Variants in DNAH9 observed in about 807,000 individuals in gnomAD.
DNAH9 encodes DNAH9 variant protein.
In DNAH9, 345 loss-of-function variants were observed where a neutral mutation model predicts 471.6. That is an observed-to-expected ratio of 0.73 (90% CI 0.67 to 0.80). The LOEUF (loss-of-function observed/expected upper bound fraction) is 0.80, where lower values mean the gene tolerates loss of function less well. DNAH9 is among the 30% of genes least tolerant of loss of function. DNAH9 has a pLI of 0.00. For synonymous variants in DNAH9, 2,093 were observed against 2,123.6 expected, an observed-to-expected ratio of 0.99 and a Z score of 0.40; for missense variants, 5,407 against 5,609.2, an observed-to-expected ratio of 0.96 and a Z score of 1.15.
At chr17:11,762,761 T>TTTTTTTTG (rs1555584584) in intron 35 of DNAH9, among the ~76,000 whole-genome samples, 16 of 102,494 alleles carry the variant, frequency 1.6e-4, no homozygotes, top group African/African-American at 5.4e-4. Context: ...TAGGTGCGTT[T>TTTTTTTTG]TTTTTTTTGT....
chr17:11,608,325 T>C lies in DNAH9; in HGVS notation c.614T>C (p.Val205Ala). The C allele has an allele frequency of 3.1e-6, 5 of 1,597,986 alleles. No homozygotes were observed. Among genetic ancestry groups the C allele is most frequent in the South Asian group, 1.1e-5 (1 of 90,712 alleles). ...MEFADSKSET[V>A]LDSIDKSVIY... The stretch of plus-strand genomic sequence containing the variant: ...TTTGCGGATTCCAAAAGTGAGACAG[T>C]GTAAGTACCGCCAGCCTGGCCATAT... The change falls in exon 2 of 69, where the codon GTC (valine) becomes GCC (alanine). Residue 205 changes from valine (V) to alanine (A), a missense_variant and splice_region_variant. This residue lies in a region of DNAH9 where 767 missense variants were observed against 692.5 expected (regional missense o/e 1.11). Transcript: ENST00000262442.
At chr17:11,620,505 C>G (rs2072834827) in intron 6 of DNAH9, among the ~76,000 whole-genome samples, 1 of 90,804 alleles carries the variant, frequency 1.1e-5, no homozygotes, top group Non-Finnish European at 2.1e-5. Flanking sequence ...GAACGAGACT[C>G]TGTCTCAAAA....
Position 11,930,064 on chromosome 17 carries a change from C to T in DNAH9, c.12076C>T (p.Leu4026=). The T allele has an allele frequency of 6.2e-7, 1 of 1,614,120 alleles. No individual in the cohort carries two copies. The highest frequency in any genetic ancestry group is 1.1e-5 in the South Asian group (1 of 91,078). The change falls in exon 63 of 69, where the codon CTG becomes TTG. Residue 4026 remains leucine (L), a synonymous_variant. Coordinates refer to ENST00000262442, the MANE Select transcript of DNAH9 (RefSeq NM_001372.4). ...GCCCCCCACGGGCATGCATGCCAAC[C>T]TGCACAAGGCCCTGGACAACTTCAC... The part of the protein sequence containing the change: ...NEPPTGMHAN[L]HKALDNFTQD...
intron 29 of DNAH9, 90 bp from the exon 30 acceptor site, chr17:11,742,085 G>A (rs1226047501): frequency 8.1e-7 from 1 of 1,228,778 alleles, no homozygotes; most frequent in East Asian, 2.3e-5. Context: ...GCCTCCATGT[G>A]TGATCTCGGC....
intron 7 of DNAH9, 128 bp downstream of exon 7, chr17:11,629,712 C>G (rs917122804): frequency 1.0e-4 from 77 of 744,374 alleles, no homozygotes; most frequent in Non-Finnish European, 1.6e-4. Context: ...AGTGGTTTTG[C>G]TAATTATCCT....
Position 11,804,607 on chromosome 17 carries a change from G to A in DNAH9, c.8421-3125G>A, listed in dbSNP as rs372133103. On this transcript the variant is annotated intron_variant, in intron 43 of 68. Transcript: ENST00000262442. ...AAATTGGCAAAGATTGGCCAGGTGC[G>A]GTGGCTCACGCCTGTAATCCCAGGG... Among the ~76,000 whole-genome samples the A allele has an allele frequency of 4.7e-4, 72 of 152,276 alleles. 2 individuals carry two copies. The South Asian group carries it at 0.014, about 29-fold the overall frequency.
chr17:11,730,857 AGTG>A (rs1157972460), intron 28 of DNAH9, among the ~76,000 whole-genome samples: 3 of 150,204 alleles, frequency 2.0e-5, no homozygotes, highest in Non-Finnish European at 3.0e-5. Context: ...TGGCGGTGGT[AGTG>A]GTGGTGATGA....
At position 11,871,669 on chromosome 17, in the gene DNAH9, G is replaced by A. The variant is rs201523809; in HGVS notation, c.10125G>A (p.Thr3375=). 79 of 1,614,192 alleles carry A rather than the reference G, an allele frequency of 4.9e-5. No individual in the cohort carries two copies. Among genetic ancestry groups the A allele is most frequent in the Non-Finnish European group, 6.0e-5 (71 of 1,180,026 alleles). ...AGAACTTCAAACAGCAGGAAAGGAC[G>A]TTATGTGGAGACATTTTACTTATAA... The part of the protein sequence containing the change: ...AVQNFKQQER[T]LCGDILLITA... The change falls in exon 52 of 69, where the codon ACG becomes ACA. Residue 3375 remains threonine (T), a synonymous_variant. Transcript: ENST00000262442.
chr17:11,822,100 G>A (rs373154874), intron 46 of DNAH9, 38 bp downstream of exon 46: 4 of 1,588,724 alleles, frequency 2.5e-6, no homozygotes, highest in East Asian at 4.5e-5. Flanking sequence ...GCAGAGACCC[G>A]AGATGATTCA....
chr17:11,881,279 G>C lies in DNAH9; in HGVS notation c.10672G>C (p.Ala3558Pro), dbSNP rs781407821. The C allele has an allele frequency of 3.1e-6, 5 of 1,614,184 alleles. No homozygotes were observed. Among genetic ancestry groups the C allele is most frequent in the East Asian group, 2.2e-5 (1 of 44,876 alleles). Residue 3558 changes from alanine to proline, a missense_variant, in exon 55 of 69, where the codon GCT becomes CCT. Physicochemically the swap from Ala to Pro is conservative, Grantham distance 27 (BLOSUM62 -1). Coordinates refer to ENST00000262442, the MANE Select transcript of DNAH9 (RefSeq NM_001372.4). The stretch of plus-strand genomic sequence containing the variant: ...CCGGCTCATCCTCCACACCAAGCTG[G>C]CTAATCCTCACTACCAGCCTGAGCT... ...KFRLILHTKLANPHYQPELQA... is the reference protein window; with the variant it reads ...KFRLILHTKLPNPHYQPELQA...
intron 51 of DNAH9, 109 bp downstream of exon 51, chr17:11,869,362 G>A (rs1282973137): frequency 1.3e-5 from 19 of 1,433,832 alleles, no homozygotes; most frequent in Admixed American, 2.3e-5. Context: ...TGACTTGGAG[G>A]GAAGTATTAA....
intron 14 of DNAH9, among the ~76,000 whole-genome samples, chr17:11,655,653 C>A (rs2073627547): frequency 6.6e-6 from 1 of 150,606 alleles, no homozygotes; most frequent in Non-Finnish European, 1.5e-5. Context: ...CATAGACACA[C>A]ACACACACAC....
At chr17:11,785,252 G>A (rs1313415982) in intron 41 of DNAH9, among the ~76,000 whole-genome samples, 3 of 151,978 alleles carry the variant, frequency 2.0e-5, no homozygotes, top group Non-Finnish European at 4.4e-5. Flanking sequence ...TTCTGGACAA[G>A]AATCTGCAGA....
chr17:11,810,352 A>G lies in DNAH9; in HGVS notation c.8690A>G (p.Asn2897Ser). 2 of 1,612,232 alleles carry G rather than the reference A, an allele frequency of 1.2e-6. No individual in the cohort carries two copies. Among genetic ancestry groups the G allele is most frequent in the South Asian group, 1.1e-5 (1 of 90,510 alleles). The part of the protein sequence containing the change: ...VADERFLVLI[N>S]DLLASGEIPD... ...GATGAGAGGTTCCTTGTGCTCATCA[A>G]TGATCTTTTGGCATCTGGTAAGAGA... Residue 2897 changes from asparagine (N) to serine (S), a missense_variant, in exon 45 of 69, where the codon AAT becomes AGT. By Grantham distance (46) the Asn-to-Ser change is conservative. Transcript: ENST00000262442.
In DNAH9 at chr17:11,772,874, C is replaced by T. The variant is rs540929577; in HGVS notation, c.7552+3545C>T. On this transcript the variant is annotated intron_variant, in intron 38 of 68. Coordinates refer to ENST00000262442, the MANE Select transcript of DNAH9 (RefSeq NM_001372.4). Reference sequence around the variant, plus strand: ...ATGTTACAACATTCATGCAATAAAGCTCAGATCCTTAACTCTGAAAAATGC... The same window carrying T: ...ATGTTACAACATTCATGCAATAAAGTTCAGATCCTTAACTCTGAAAAATGC... Among the ~76,000 whole-genome samples the T allele has an allele frequency of 5.9e-4, 90 of 152,344 alleles. 1 individual carries two copies. Among genetic ancestry groups the T allele is most frequent in the Middle Eastern group, 6.8e-3 (2 of 294 alleles).
chr17:11,879,581 T>G (rs932618046), intron 53 of DNAH9, among the ~76,000 whole-genome samples: 4 of 152,196 alleles, frequency 2.6e-5, no homozygotes, highest in African/African-American at 9.6e-5. Context: ...AAACTCTACA[T>G]AACACTGAAA....
At chr17:11,931,478 C>T (rs1187026531) in intron 63 of DNAH9, among the ~76,000 whole-genome samples, 2 of 152,154 alleles carry the variant, frequency 1.3e-5, no homozygotes, top group Admixed American at 1.3e-4. Context: ...CTGTGTGACA[C>T]CCTTGTAGTG....
intron 48 of DNAH9, among the ~76,000 whole-genome samples, chr17:11,827,633 A>G (rs111915862): frequency 0.018 from 2,730 of 151,858 alleles, 74 homozygotes; most frequent in African/African-American, 0.062. Flanking sequence ...TCAGGGATGT[A>G]TATTCAAACT....
At position 11,891,808 on chromosome 17, in the gene DNAH9, A is replaced by G; in HGVS notation, c.11144A>G (p.Glu3715Gly). Residue 3715 changes from glutamate (E) to glycine (G), a missense_variant, in exon 58 of 69, where the codon GAG (glutamate) becomes GGG (glycine). This residue lies in a region of DNAH9 where 4,636 missense variants were observed against 4,900.3 expected (regional missense o/e 0.95). Transcript: ENST00000262442. Reference sequence around the variant, plus strand: ...AGTATCGTCTTCCAGAAGGCTGTGGAGAGGGCTGCTCCTGACGAAAGCCTC... The same window carrying G: ...AGTATCGTCTTCCAGAAGGCTGTGGGGAGGGCTGCTCCTGACGAAAGCCTC... The part of the protein sequence containing the change: ...AFSIVFQKAV[E>G]RAAPDESLRE... 1.2e-6 allele frequency: 2 copies of G among 1,614,052 alleles called. No homozygotes were observed. Among genetic ancestry groups the G allele is most frequent in the Non-Finnish European group, 1.7e-6 (2 of 1,179,988 alleles).
Sources: allele counts gnomAD v4.1 joint callset (sites outside exome capture counted in the v4.1 genomes callset), GRCh38; gene constraint gnomAD v4.1.1; regional missense constraint gnomAD v4.1.1; transcripts MANE v1.5; gene names NCBI Gene and HGNC (gene_info 2026-07-23, HGNC 2026-07-21).